SCARB1: variants seen among roughly 807,000 people sequenced by gnomAD.
SCARB1 encodes CD36 and LIMPII analogous 1.
In SCARB1, 30 loss-of-function variants were observed where a neutral mutation model predicts 57.2. That is an observed-to-expected ratio of 0.52 (90% CI 0.39 to 0.71). The LOEUF (loss-of-function observed/expected upper bound fraction) is 0.71, where lower values mean the gene tolerates loss of function less well. Among genes scored for constraint, SCARB1 ranks in the 30% least tolerant of loss-of-function variants. The pLI is 0.00. For synonymous variants in SCARB1, 249 were observed against 268.3 expected (o/e 0.93, Z 0.70); for missense variants, 543 against 671.2 (o/e 0.81, Z 2.11).
intron 1 of SCARB1, among the ~76,000 whole-genome samples, chr12:124,840,455 C>T (rs546327684): frequency 1.3e-5 from 2 of 152,278 alleles, no homozygotes; most frequent in East Asian, 3.9e-4. Context: ...GGATTACAGG[C>T]GTGAGCCACC....
At chr12:124,823,969 A>G (rs1951037418) in intron 1 of SCARB1, among the ~76,000 whole-genome samples, 1 of 151,938 alleles carries the variant, frequency 6.6e-6, no homozygotes, top group Admixed American at 6.6e-5. Flanking sequence ...GTTCAAGACC[A>G]GCCTGGCCAA....
chr12:124,850,189 C>A (rs796669888), intron 1 of SCARB1, among the ~76,000 whole-genome samples: 12 of 144,838 alleles, frequency 8.3e-5, no homozygotes, highest in African/African-American at 2.1e-4. Flanking sequence ...CCTGGCCAAC[C>A]TGGTGAAACC....
intron 11 of SCARB1, chr12:124,783,833 C>T (rs1191514240): frequency 6.6e-6 from 1 of 152,206 alleles, no homozygotes; most frequent in Non-Finnish European, 1.5e-5. Flanking sequence ...CTGGTAAGGT[C>T]CTGCTACATC....
At position 124,793,828 on chromosome 12, in the gene SCARB1, G is replaced by A. The variant is rs570513414; in HGVS notation, c.1202+1367C>T. ...CCCTCGGTACATACCTAAGGAAAAC[G>A]AGAACAGATGTCCACACTGGGACTG... On this transcript the variant is annotated intron_variant, in intron 9 of 12. Coordinates refer to ENST00000261693, the MANE Select transcript of SCARB1 (RefSeq NM_005505.5). 2.0e-5 allele frequency among the ~76,000 whole-genome samples: 3 copies of A among 152,048 alleles called. No individual in the cohort carries two copies. In the South Asian group the frequency reaches 6.2e-4, roughly 32 times the overall value.
chr12:124,802,556 GT>G (rs1950171992), intron 7 of SCARB1, among the ~76,000 whole-genome samples: 1 of 152,256 alleles, frequency 6.6e-6, no homozygotes, highest in Admixed American at 6.5e-5. Context: ...ACAGCCCCAG[GT>G]GGAGACCGAG....
In SCARB1 at chr12:124,810,155, C is replaced by A; in HGVS notation, c.842+19G>T. The stretch of plus-strand genomic sequence containing the variant: ...GAGCTACCCAGGAAACCCAGGAGGC[C>A]CCGAGTCCCAGTGATTACCGGCAGG... On this transcript the variant is annotated intron_variant, in intron 6 of 12. Transcript: ENST00000261693. The surrounding 1 kb of genome is among the most constrained non-coding windows in gnomAD (Gnocchi z 4.0). 1 of 1,563,196 alleles carries A rather than the reference C, an allele frequency of 6.4e-7. No homozygotes were observed. Among genetic ancestry groups the A allele is most frequent in the Non-Finnish European group, 8.8e-7 (1 of 1,134,110 alleles).
intron 1 of SCARB1, among the ~76,000 whole-genome samples, chr12:124,826,130 T>C (rs549196028): frequency 6.6e-6 from 1 of 151,838 alleles, no homozygotes; most frequent in African/African-American, 2.4e-5. Flanking sequence ...GTCAGGAGTT[T>C]GAGAACAACC....
At chr12:124,819,837 G>A (rs1389664470) in intron 1 of SCARB1, among the ~76,000 whole-genome samples, 4 of 152,208 alleles carry the variant, frequency 2.6e-5, no homozygotes, top group Non-Finnish European at 5.9e-5. Context: ...ACCCTGGGTC[G>A]CACTCCACGG....
chr12:124,806,137 G>A (rs1950316551), intron 7 of SCARB1, among the ~76,000 whole-genome samples: 1 of 152,164 alleles, frequency 6.6e-6, no homozygotes, highest in African/African-American at 2.4e-5. Context: ...ACACTGCATT[G>A]AGGGATGGGC....
intron 1 of SCARB1, among the ~76,000 whole-genome samples, chr12:124,830,663 G>A (rs1022397936): frequency 1.3e-5 from 2 of 152,176 alleles, no homozygotes; most frequent in Admixed American, 6.5e-5. Flanking sequence ...CTGACAGGGA[G>A]GGGTGCGGGG....
intron 7 of SCARB1, among the ~76,000 whole-genome samples, chr12:124,802,796 C>T (rs992113265): frequency 2.0e-5 from 3 of 152,184 alleles, no homozygotes; most frequent in African/African-American, 7.2e-5. Context: ...GATGCCCTCA[C>T]GCAACAGGGA....
At chr12:124,795,161 A>G in intron 9 of SCARB1, 34 bp downstream of exon 9, 1 of 1,560,090 alleles carries the variant, frequency 6.4e-7, no homozygotes, top group Non-Finnish European at 8.8e-7. Context: ...TCTCTCAATG[A>G]GCAATGCAGC....
At chr12:124,799,883 C>T (rs1488491580) in intron 8 of SCARB1, among the ~76,000 whole-genome samples, 1 of 152,216 alleles carries the variant, frequency 6.6e-6, no homozygotes, top group Non-Finnish European at 1.5e-5. Context: ...CTGATAAGTT[C>T]TAATTAATTT....
At chr12:124,779,114 G>A (rs781044479) in intron 12 of SCARB1, among the ~76,000 whole-genome samples, 3 of 151,774 alleles carry the variant, frequency 2.0e-5, no homozygotes, top group Admixed American at 6.6e-5. Context: ...CACCACGCCC[G>A]GCTCATTTTT....
In SCARB1 at chr12:124,790,595, C is replaced by T. The variant is rs371012970; in HGVS notation, c.1203-3138G>A. ...CTGCAAGATAGTTTTTAAAAGTGAG[C>T]CATGACATTTGTGGCAAAATTGTGA... On this transcript the variant is annotated intron_variant, in intron 9 of 12. Transcript: ENST00000261693. 4.1e-4 allele frequency among the ~76,000 whole-genome samples: 63 copies of T among 152,284 alleles called. No homozygotes were observed. The East Asian group carries it at 7.2e-3, about 17-fold the overall frequency.
At chr12:124,834,909 C>T (rs77151276) in intron 1 of SCARB1, among the ~76,000 whole-genome samples, 57,833 of 151,748 alleles carry the variant, frequency 0.38, 11,342 homozygotes, top group Admixed American at 0.51. Context: ...CCCTGTCCAC[C>T]CCCCCAAAAA....
intron 1 of SCARB1, among the ~76,000 whole-genome samples, chr12:124,819,965 G>A (rs542386392): frequency 6.6e-6 from 1 of 152,354 alleles, no homozygotes; most frequent in African/African-American, 2.4e-5. Flanking sequence ...CAATGAAGAA[G>A]CTGAATTCTT....
chr12:124,861,607 T>C (rs1417554271), intron 1 of SCARB1, among the ~76,000 whole-genome samples: 1 of 152,210 alleles, frequency 6.6e-6, no homozygotes, highest in Non-Finnish European at 1.5e-5. Flanking sequence ...GAACACAGGC[T>C]CTCTTCTTCC....
chr12:124,850,523 T>A (rs1255904521), intron 1 of SCARB1, among the ~76,000 whole-genome samples: 6 of 151,618 alleles, frequency 4.0e-5, no homozygotes, highest in African/African-American at 1.5e-4. Flanking sequence ...AATACAAAAT[T>A]AGCTGGGCAC....
Sources: allele counts gnomAD v4.1 joint callset (sites outside exome capture counted in the v4.1 genomes callset), GRCh38; gene constraint gnomAD v4.1.1; non-coding constraint Gnocchi (gnomAD v3.1); transcripts MANE v1.5; gene names NCBI Gene and HGNC (gene_info 2026-07-23, HGNC 2026-07-21).